Variants in L3MBTL4 observed in about 807,000 individuals in gnomAD.
The protein encoded by L3MBTL4 is lethal(3)malignant brain tumor-like protein 4.
Under a neutral mutation model 84.5 loss-of-function variants are expected in L3MBTL4, and 70 were observed. The ratio of observed to expected loss-of-function variants is 0.83; its 90% CI spans 0.68 to 1.01. The LOEUF (loss-of-function observed/expected upper bound fraction) is 1.01. Among genes scored for constraint, L3MBTL4 ranks in the 50% least tolerant of loss-of-function variants. L3MBTL4 has a pLI of 0.00. For missense variants in L3MBTL4, 715 were observed against 754.8 expected, an observed-to-expected ratio of 0.95 and a Z score of 0.62; for synonymous variants, 274 against 259.8, an observed-to-expected ratio of 1.05 and a Z score of -0.52.
At chr18:5,963,690 C>T (rs540357441) in intron 17 of L3MBTL4, among the ~76,000 whole-genome samples, 30 of 152,342 alleles carry the variant, frequency 2.0e-4, no homozygotes, top group African/African-American at 6.5e-4. Flanking sequence ...TATTATTAGT[C>T]GGTAATTACT....
rs372701211 is a variant in L3MBTL4 at position 6,176,101 on chromosome 18, A to G, written c.982-4159T>C. 4.8e-4 allele frequency among the ~76,000 whole-genome samples: 73 copies of G among 152,316 alleles called. 3 individuals are homozygous for G. Among genetic ancestry groups the G allele is most frequent in the African/African-American group, 1.7e-3 (70 of 41,588 alleles). ...TCATGCCCACAGGCTGGAAGACTCA[A>G]TATTATTATTGATATGTCATCTCTT... On this transcript the variant is annotated intron_variant, in intron 12 of 18. Coordinates refer to ENST00000317931, the MANE Select transcript of L3MBTL4 (RefSeq NM_001330559.2).
At chr18:6,383,447 CCAGAGGGAATCT>C (rs1352063300) in intron 1 of L3MBTL4, among the ~76,000 whole-genome samples, 8 of 152,116 alleles carry the variant, frequency 5.3e-5, no homozygotes, top group African/African-American at 1.9e-4. Flanking sequence ...GGGGTAGGCA[CCAGAGGGAATCT>C]CCTGGTCTGC....
At chr18:6,161,464 C>A (rs925518167) in intron 13 of L3MBTL4, among the ~76,000 whole-genome samples, 1 of 152,216 alleles carries the variant, frequency 6.6e-6, no homozygotes, top group African/African-American at 2.4e-5. Flanking sequence ...ATTTACTGCA[C>A]AAGTATTTCT....
chr18:6,408,712 C>T (rs1277909055), intron 1 of L3MBTL4, among the ~76,000 whole-genome samples: 4 of 149,976 alleles, frequency 2.7e-5, no homozygotes, highest in South Asian at 2.1e-4. Flanking sequence ...GACCGAGTCT[C>T]GCTCTGTCAC....
Position 6,038,251 on chromosome 18 carries a change from C to CTTTTTTT in L3MBTL4, c.1444+42623_1444+42629dup, listed in dbSNP as rs34580980. On this transcript the variant is annotated intron_variant, in intron 16 of 18. Coordinates refer to ENST00000317931, the MANE Select transcript of L3MBTL4 (RefSeq NM_001330559.2). ...GGATACTAGAAATCCATTTCTGGAT[C>CTTTTTTT]TTTTTTTTTTTTTTTTTTTTGAGAC... Among the ~76,000 whole-genome samples, 493 of 97,830 alleles carry CTTTTTTT rather than the reference C, an allele frequency of 5.0e-3. 19 individuals carry two copies. The highest frequency in any genetic ancestry group is 0.014 in the Middle Eastern group (2 of 138). The allele number at this position is 97,830 out of a possible 152,430, so 64.2% of individuals were successfully genotyped here. A position where few individuals can be genotyped will look rare whatever the true frequency, so the allele number is the denominator to read the frequency against.
chr18:5,985,865 G>T (rs1307889493), intron 16 of L3MBTL4, among the ~76,000 whole-genome samples: 2 of 152,146 alleles, frequency 1.3e-5, no homozygotes, highest in Admixed American at 6.5e-5. Flanking sequence ...TGCTACAAAT[G>T]GACCAGGAGA....
At chr18:6,132,482 AG>A (rs1395807122) in intron 14 of L3MBTL4, among the ~76,000 whole-genome samples, 1 of 152,220 alleles carries the variant, frequency 6.6e-6, no homozygotes, top group African/African-American at 2.4e-5. Context: ...AGCATGTGTG[AG>A]GCCTGGAGAC....
intron 9 of L3MBTL4, 47 bp downstream of exon 9, chr18:6,239,671 A>T: frequency 6.3e-7 from 1 of 1,583,482 alleles, no homozygotes; most frequent in Non-Finnish European, 8.6e-7. Context: ...AATTCTTAAC[A>T]TCAAACATAT....
chr18:6,389,665 C>T lies in L3MBTL4; in HGVS notation c.-91+25136G>A, dbSNP rs555360503. Among the ~76,000 whole-genome samples the T allele has an allele frequency of 1.1e-4, 16 of 152,076 alleles. No individual in the cohort carries two copies. In the South Asian group the frequency reaches 2.3e-3, roughly 22 times the overall value. ...CAGGAGTAGCTATCCTTACATCAGA[C>T]AAAACAAACTTTAAAGCAATAGCAG... On this transcript the variant is annotated intron_variant, in intron 1 of 18. Coordinates refer to ENST00000317931, the MANE Select transcript of L3MBTL4 (RefSeq NM_001330559.2).
intron 1 of L3MBTL4, among the ~76,000 whole-genome samples, chr18:6,373,209 G>T (rs896991427): frequency 2.6e-5 from 4 of 152,160 alleles, no homozygotes; most frequent in African/African-American, 9.7e-5. Flanking sequence ...GCGCATCCTT[G>T]TCTCTGCAAC....
intron 1 of L3MBTL4, among the ~76,000 whole-genome samples, chr18:6,376,337 T>C (rs2054369246): frequency 6.6e-6 from 1 of 152,246 alleles, no homozygotes; most frequent in African/African-American, 2.4e-5. Context: ...TGACTCGCTG[T>C]CACATCAGTC....
At chr18:6,124,490 T>A (rs1388246497) in intron 14 of L3MBTL4, among the ~76,000 whole-genome samples, 1 of 150,422 alleles carries the variant, frequency 6.6e-6, no homozygotes, top group Non-Finnish European at 1.5e-5. Context: ...CACCAATACA[T>A]GCAGTACACT....
intron 13 of L3MBTL4, among the ~76,000 whole-genome samples, chr18:6,167,637 C>T (rs1221824667): frequency 2.6e-5 from 4 of 152,148 alleles, no homozygotes; most frequent in African/African-American, 9.7e-5. Context: ...ACCCTTCATG[C>T]TAAAAGCTCT....
At chr18:6,160,545 A>C (rs1381142762) in intron 13 of L3MBTL4, among the ~76,000 whole-genome samples, 1 of 152,136 alleles carries the variant, frequency 6.6e-6, no homozygotes, top group African/African-American at 2.4e-5. Flanking sequence ...CAGCCTGGCC[A>C]ACATGGTGAA....
chr18:5,992,283 C>A (rs1372138389), intron 16 of L3MBTL4, among the ~76,000 whole-genome samples: 1 of 152,138 alleles, frequency 6.6e-6, no homozygotes, highest in Non-Finnish European at 1.5e-5. Context: ...GGCTTGAGGT[C>A]TTTCAGGCAG....
chr18:6,249,574 A>G (rs182360024), intron 5 of L3MBTL4, among the ~76,000 whole-genome samples: 90 of 152,324 alleles, frequency 5.9e-4, no homozygotes, highest in Non-Finnish European at 1.1e-3. Flanking sequence ...GTTTCAAAAT[A>G]AAAAATAAAA....
intron 16 of L3MBTL4, among the ~76,000 whole-genome samples, chr18:6,076,717 A>G (rs2168269): frequency 0.038 from 5,805 of 152,302 alleles, 114 homozygotes; most frequent in South Asian, 0.053. Flanking sequence ...AAATCCATTA[A>G]GGATTTATCA....
At chr18:6,016,789 G>C (rs2055003060) in intron 16 of L3MBTL4, among the ~76,000 whole-genome samples, 1 of 152,224 alleles carries the variant, frequency 6.6e-6, no homozygotes, top group Non-Finnish European at 1.5e-5. Context: ...GGATTGGGAA[G>C]TTTTCCTGGT....
chr18:6,235,777 T>G (rs2047192990), intron 10 of L3MBTL4, among the ~76,000 whole-genome samples: 1 of 152,198 alleles, frequency 6.6e-6, no homozygotes, highest in Non-Finnish European at 1.5e-5. Flanking sequence ...TGCATAACAT[T>G]GTGAATACAT....
Sources: gnomAD v4.1 joint callset for allele counts (sites outside exome capture counted in the v4.1 genomes callset) on GRCh38, gnomAD v4.1.1 for gene constraint, MANE v1.5 for transcripts, NCBI Gene and HGNC (gene_info 2026-07-23, HGNC 2026-07-21) for gene names.